The following CDCA8 variants were observed in gnomAD, a reference collection of about 807,000 sequenced individuals.
The protein encoded by CDCA8 is cell division cycle associated 8.
In CDCA8, 25 loss-of-function variants were observed where a neutral mutation model predicts 40.0. That is an observed-to-expected ratio of 0.63 (90% CI 0.46 to 0.87). The LOEUF (loss-of-function observed/expected upper bound fraction) is 0.87. Ranked by LOEUF, CDCA8 falls within the 40% of genes least tolerant of loss-of-function variation. The pLI is 0.00. For synonymous variants in CDCA8, 111 were observed against 126.5 expected, an observed-to-expected ratio of 0.88 and a Z score of 0.82; for missense variants, 280 against 348.4, an observed-to-expected ratio of 0.80 and a Z score of 1.56.
chr1:37,700,469 T>C lies in CDCA8; in HGVS notation c.371T>C (p.Val124Ala). 2.5e-6 allele frequency: 4 copies of C among 1,611,212 alleles called. No individual in the cohort carries two copies. Among genetic ancestry groups the C allele is most frequent in the Non-Finnish European group, 3.4e-6 (4 of 1,177,540 alleles). ...GTAATACAGGTAGATGAAATGATAGTGGAAGAGGAAGAAGAAGAAGAAAAT... is the reference window on the plus strand; with the variant it reads ...GTAATACAGGTAGATGAAATGATAGCGGAAGAGGAAGAAGAAGAAGAAAAT... Reference protein sequence around the residue: ...RKVIQVDEMIVEEEEEEENER... With the variant: ...RKVIQVDEMIAEEEEEEENER... Residue 124 changes from valine to alanine, a missense_variant, in exon 5 of 10, where the codon GTG becomes GCG. By Grantham distance (64) the Val-to-Ala change is moderately conservative (BLOSUM62 0). Coordinates refer to ENST00000373055, the MANE Select transcript of CDCA8 (RefSeq NM_001256875.2).
intron 7 of CDCA8, among the ~76,000 whole-genome samples, chr1:37,705,204 G>A (rs1645590012): frequency 6.6e-6 from 1 of 152,200 alleles, no homozygotes; most frequent in Non-Finnish European, 1.5e-5. Context: ...TAAACTTTAT[G>A]TGGATAAGAG....
rs1645608733 is a variant in CDCA8 at position 37,707,340 on chromosome 1, A to G, written c.798+276A>G. ...CATTCAGGCAGTTAGTGCTAGGGGT[A>G]TGTTAGGTCACTATTGGCCACCAGA... On this transcript the variant is annotated intron_variant, in intron 9 of 9. Transcript: ENST00000373055. Among the ~76,000 whole-genome samples, 3 of 152,228 alleles carry G rather than the reference A, an allele frequency of 2.0e-5. No homozygotes were observed. In the South Asian group the frequency reaches 6.2e-4, roughly 31 times the overall value.
intron 8 of CDCA8, among the ~76,000 whole-genome samples, chr1:37,706,143 T>C (rs889796186): frequency 4.2e-5 from 6 of 142,544 alleles, no homozygotes; most frequent in African/African-American, 1.6e-4. Context: ...AGTCTCACTC[T>C]GTCGCCCAGC....
Position 37,705,523 on chromosome 1 carries a change from G to A in CDCA8, c.667G>A (p.Asp223Asn), listed in dbSNP as rs376693211. 9 of 1,613,738 alleles carry A rather than the reference G, an allele frequency of 5.6e-6. No individual in the cohort carries two copies. The highest frequency in any genetic ancestry group is 7.6e-6 in the Non-Finnish European group (9 of 1,180,030). Residue 223 changes from aspartate (D) to asparagine (N), a missense_variant, in exon 8 of 10, where the codon GAC (aspartate) becomes AAC (asparagine). Coordinates refer to ENST00000373055, the MANE Select transcript of CDCA8 (RefSeq NM_001256875.2). ...NISGNGSPLADSKEIFLTVPV... is the reference protein window; with the variant it reads ...NISGNGSPLANSKEIFLTVPV... ...CTCAGGGAATGGCAGCCCTCTTGCT[G>A]ACAGCAAAGAGATCTTCCTCACTGT...
At chr1:37,701,403 C>T (rs1039874266) in intron 5 of CDCA8, among the ~76,000 whole-genome samples, 1 of 152,118 alleles carries the variant, frequency 6.6e-6, no homozygotes, top group Non-Finnish European at 1.5e-5. Flanking sequence ...AGGAAGGGAG[C>T]ACTGCAGGGT....
intron 2 of CDCA8, among the ~76,000 whole-genome samples, chr1:37,695,600 A>G (rs1645521381): frequency 6.6e-6 from 1 of 152,086 alleles, no homozygotes; most frequent in Admixed American, 6.5e-5. Flanking sequence ...AAAATTTAAA[A>G]TATATTTTTT....
chr1:37,696,939 C>T lies in CDCA8; in HGVS notation c.264+989C>T, dbSNP rs1645530635. 6.6e-6 allele frequency among the ~76,000 whole-genome samples: 1 copy of T among 152,184 alleles called. No homozygotes were observed. Among genetic ancestry groups the T allele is most frequent in the South Asian group, 2.1e-4 (1 of 4,828 alleles). ...TTGGGAGAGAGGTGGGGATTATTCA[C>T]CCCCCTACATACACTGAGCTCCAAT... On this transcript the variant is annotated intron_variant, in intron 3 of 9. Transcript: ENST00000373055. This position sits in a 1 kb window ranked among gnomAD's most constrained non-coding sequence, Gnocchi z 5.0.
Position 37,698,963 on chromosome 1 carries a change from T to A in CDCA8, c.323T>A (p.Leu108Gln). Reference sequence around the variant, plus strand: ...ACAGCAGAAGCTATTCAGACACCCCTGAAATCTGCCAAAAGTGAGTACCTT... The same window carrying A: ...ACAGCAGAAGCTATTCAGACACCCCAGAAATCTGCCAAAAGTGAGTACCTT... ...KLTAEAIQTP[L>Q]KSAKTRKVIQ... is the part of the protein sequence containing the mutation. Residue 108 changes from leucine (L) to glutamine (Q), a missense_variant, in exon 4 of 10, where the codon CTG (leucine) becomes CAG (glutamine). Leu to Gln is a moderately radical substitution (Grantham distance 113). Transcript: ENST00000373055. 1.9e-6 allele frequency: 3 copies of A among 1,612,480 alleles called. No individual in the cohort carries two copies. The highest frequency in any genetic ancestry group is 2.5e-6 in the Non-Finnish European group (3 of 1,178,518).
intron 8 of CDCA8, among the ~76,000 whole-genome samples, 163 bp from the exon 9 acceptor site, chr1:37,706,815 G>T (rs1387451186): frequency 6.6e-6 from 1 of 152,238 alleles, no homozygotes; most frequent in African/African-American, 2.4e-5. Context: ...TAGTGATAGT[G>T]CTGATGAAGT....
rs1378508548 is a variant in CDCA8 at position 37,703,272 on chromosome 1, T to TTAC, written c.510_512dup (p.Thr171dup). ...TGTAGGTCAAGCCGTGCTAACACTG[T>TTAC]TACCCCAGCCGTGGGCCGATTGGAG... On this transcript the variant is annotated inframe_insertion, in exon 7 of 10. Transcript: ENST00000373055. The TTAC allele has an allele frequency of 1.9e-6, 3 of 1,613,678 alleles. No homozygotes were observed. The African/African-American group carries it at 4.0e-5, about 22-fold the overall frequency.
chr1:37,708,244 C>A, intron 9 of CDCA8, 78 bp from the exon 10 acceptor site: 1 of 1,266,858 alleles, frequency 7.9e-7, no homozygotes, highest in Non-Finnish European at 1.2e-6. Context: ...TGGAGGGGCT[C>A]AGGCTGACTG....
rs1344965031 is a variant in CDCA8 at position 37,709,284 on chromosome 1, T to G, written c.*918T>G. 2.0e-5 allele frequency: 3 copies of G among 152,256 alleles called. No homozygotes were observed. Among genetic ancestry groups the G allele is most frequent in the Non-Finnish European group, 4.4e-5 (3 of 68,062 alleles). 9.4% of individuals were successfully genotyped at this position (152,256 alleles called of 1,614,324 possible). A position where few individuals can be genotyped will look rare whatever the true frequency, so the allele number is the denominator to read the frequency against. The stretch of plus-strand genomic sequence containing the variant: ...CAAGTCTGTAGACTTCAGAGAGCAC[T>G]TCTCTCTTATGGGGTTCATGGGAAC... On this transcript the variant is annotated 3_prime_UTR_variant, in exon 10 of 10. Coordinates refer to ENST00000373055, the MANE Select transcript of CDCA8 (RefSeq NM_001256875.2).
chr1:37,693,462 G>A (rs1645494084), intron 2 of CDCA8, among the ~76,000 whole-genome samples: 1 of 152,122 alleles, frequency 6.6e-6, no homozygotes, highest in African/African-American at 2.4e-5. Context: ...GCAGTGGTGC[G>A]ATCCCTGCTC....
chr1:37,705,911 G>A (rs1274265032), intron 8 of CDCA8, among the ~76,000 whole-genome samples: 1 of 148,206 alleles, frequency 6.7e-6, no homozygotes, highest in Non-Finnish European at 1.5e-5. Context: ...CTGGGTTCAA[G>A]CGATTCTCTT....
At chr1:37,695,978 A>G in intron 3 of CDCA8, 28 bp downstream of exon 3, 1 of 1,610,516 alleles carries the variant, frequency 6.2e-7, no homozygotes, top group Non-Finnish European at 8.5e-7. Flanking sequence ...TTTTCCAGCC[A>G]GTGGTTACTT....
intron 2 of CDCA8, among the ~76,000 whole-genome samples, chr1:37,694,365 T>C (rs147837786): frequency 4.6e-5 from 7 of 152,348 alleles, no homozygotes; most frequent in African/African-American, 1.4e-4. Flanking sequence ...ACTTGCCCTT[T>C]TATTTATTAA....
chr1:37,702,676 G>C (rs1277235319), intron 6 of CDCA8, among the ~76,000 whole-genome samples: 5 of 152,154 alleles, frequency 3.3e-5, no homozygotes, highest in African/African-American at 7.2e-5. Flanking sequence ...CTGAGGCTGA[G>C]TGTGGTGTCT....
At chr1:37,699,746 C>T (rs146682089) in intron 4 of CDCA8, among the ~76,000 whole-genome samples, 5,108 of 152,058 alleles carry the variant, frequency 0.034, 288 homozygotes, top group African/African-American at 0.12. Flanking sequence ...GGTGAACCCC[C>T]GTCTCTACTA....
intron 2 of CDCA8, among the ~76,000 whole-genome samples, chr1:37,694,172 G>C (rs1005622946): frequency 3.3e-5 from 5 of 152,180 alleles, no homozygotes; most frequent in African/African-American, 1.2e-4. Flanking sequence ...TTCCTGGCCA[G>C]AGAAAAATCC....
Sources: gnomAD v4.1 joint callset for allele counts (sites outside exome capture counted in the v4.1 genomes callset) on GRCh38, gnomAD v4.1.1 for gene constraint, Gnocchi (gnomAD v3.1) non-coding constraint, MANE v1.5 for transcripts, NCBI Gene and HGNC (gene_info 2026-07-23, HGNC 2026-07-21) for gene names.